The following CNTN5 variants were observed in gnomAD, a reference collection of about 807,000 sequenced individuals.
CNTN5 encodes the protein contactin 5.
Under a neutral mutation model 129.1 loss-of-function variants are expected in CNTN5, and 77 were observed. That is an observed-to-expected ratio of 0.60 (90% CI 0.50 to 0.72). The LOEUF (loss-of-function observed/expected upper bound fraction) is 0.72, where lower values mean the gene tolerates loss of function less well. Ranked by LOEUF, CNTN5 falls within the 30% of genes least tolerant of loss-of-function variation. The pLI is 0.00. For missense variants in CNTN5, 1,478 were observed against 1,328.8 expected (o/e 1.11, Z -1.75); for synonymous variants, 509 against 465.6 (o/e 1.09, Z -1.20).
chr11:100,035,194 C>T (rs942535728), intron 9 of CNTN5, among the ~76,000 whole-genome samples: 1 of 129,448 alleles, frequency 7.7e-6, no homozygotes, highest in East Asian at 2.5e-4. Flanking sequence ...TTGTTCAATT[C>T]CCACCTATGA....
At chr11:99,779,058 T>G (rs1422216776) in intron 3 of CNTN5, among the ~76,000 whole-genome samples, 3 of 151,896 alleles carry the variant, frequency 2.0e-5, no homozygotes, top group Admixed American at 2.0e-4. Context: ...ACACCCATTA[T>G]TTTCTAATTA....
At chr11:99,048,101 C>G (rs972946420) in intron 1 of CNTN5, among the ~76,000 whole-genome samples, 6 of 151,856 alleles carry the variant, frequency 4.0e-5, no homozygotes, top group Non-Finnish European at 8.8e-5. Context: ...TCATGGCATC[C>G]TATTTAAAGC....
chr11:99,598,689 G>A (rs1950221193), intron 3 of CNTN5, among the ~76,000 whole-genome samples: 1 of 151,518 alleles, frequency 6.6e-6, no homozygotes, highest in Non-Finnish European at 1.5e-5. Flanking sequence ...ATGGGAAGGT[G>A]CCAGTGATAG....
chr11:99,590,361 A>G (rs1338534897), intron 3 of CNTN5, among the ~76,000 whole-genome samples: 1 of 152,182 alleles, frequency 6.6e-6, no homozygotes, highest in Admixed American at 6.5e-5. Flanking sequence ...CTGGGTTCAA[A>G]CCCTGGCATT....
chr11:100,260,446 G>C (rs1414041265), intron 17 of CNTN5, among the ~76,000 whole-genome samples: 1 of 152,138 alleles, frequency 6.6e-6, no homozygotes, highest in Non-Finnish European at 1.5e-5. Flanking sequence ...CTCATTTTAA[G>C]AGGCCAACAT....
At chr11:99,283,984 T>G (rs1863815376) in intron 1 of CNTN5, among the ~76,000 whole-genome samples, 1 of 152,150 alleles carries the variant, frequency 6.6e-6, no homozygotes, top group Non-Finnish European at 1.5e-5. Flanking sequence ...CATCTGATCT[T>G]CAAAGTAAAC....
chr11:100,337,783 G>A (rs892341068), intron 21 of CNTN5, among the ~76,000 whole-genome samples: 1 of 152,192 alleles, frequency 6.6e-6, no homozygotes, highest in Non-Finnish European at 1.5e-5. Flanking sequence ...CTGCTCTTCT[G>A]TTTTGTTTGA....
intron 2 of CNTN5, among the ~76,000 whole-genome samples, chr11:99,327,447 G>T (rs1302510784): frequency 6.6e-6 from 1 of 152,100 alleles, no homozygotes; most frequent in Non-Finnish European, 1.5e-5. Flanking sequence ...AATAAATTCA[G>T]GTTTCAAGTT....
chr11:99,123,053 A>G (rs1314977724), intron 1 of CNTN5, among the ~76,000 whole-genome samples: 2 of 152,162 alleles, frequency 1.3e-5, no homozygotes, highest in African/African-American at 4.8e-5. Flanking sequence ...TCTTTTGGGT[A>G]TATACCCCAA....
intron 8 of CNTN5, among the ~76,000 whole-genome samples, chr11:99,984,540 G>A (rs1938552904): frequency 6.6e-6 from 1 of 151,916 alleles, no homozygotes; most frequent in African/African-American, 2.4e-5. Flanking sequence ...GGTTTTGAGG[G>A]GTGGGGGTTG....
chr11:100,070,563 A>G lies in CNTN5; in HGVS notation c.1299+3A>G. ...ATGGAGTACCCCTCTCACCTCAGGT[A>G]CTGTTGGGAGTTATTAACCTGTTCT... On this transcript the variant is annotated splice_donor_region_variant and intron_variant, in intron 11 of 24. Coordinates refer to ENST00000524871, the MANE Select transcript of CNTN5 (RefSeq NM_014361.4). 1 of 1,612,656 alleles carries G rather than the reference A, an allele frequency of 6.2e-7. No individual in the cohort carries two copies. Among genetic ancestry groups the G allele is most frequent in the East Asian group, 2.2e-5 (1 of 44,758 alleles).
chr11:99,690,525 A>C (rs1953998014), intron 3 of CNTN5, among the ~76,000 whole-genome samples: 1 of 152,204 alleles, frequency 6.6e-6, no homozygotes, highest in Non-Finnish European at 1.5e-5. Context: ...ATGGCAGTTT[A>C]ATGAGAATAG....
intron 18 of CNTN5, among the ~76,000 whole-genome samples, chr11:100,296,766 T>C (rs184322285): frequency 2.0e-5 from 3 of 151,692 alleles, no homozygotes; most frequent in Admixed American, 2.0e-4. Context: ...CAGTAATTAA[T>C]AGCCTTTCAT....
intron 9 of CNTN5, among the ~76,000 whole-genome samples, chr11:100,032,427 T>G (rs1941760150): frequency 1.3e-5 from 2 of 152,074 alleles, no homozygotes; most frequent in East Asian, 3.9e-4. Context: ...AGTTATAAAT[T>G]TAAAAAGCCT....
intron 3 of CNTN5, among the ~76,000 whole-genome samples, chr11:99,634,050 A>C (rs1232048244): frequency 2.6e-5 from 4 of 152,180 alleles, no homozygotes; most frequent in Admixed American, 6.5e-5. Flanking sequence ...TTAAGTAAGG[A>C]AGAGATCCTC....
At chr11:100,253,127 T>G (rs1438560298) in intron 16 of CNTN5, among the ~76,000 whole-genome samples, 4 of 150,158 alleles carry the variant, frequency 2.7e-5, no homozygotes, top group African/African-American at 9.7e-5. Flanking sequence ...CTCTACAACA[T>G]AAAGTGTGGC....
chr11:99,809,500 A>T (rs1040508446), intron 3 of CNTN5, among the ~76,000 whole-genome samples: 2 of 152,110 alleles, frequency 1.3e-5, no homozygotes, highest in Admixed American at 6.6e-5. Flanking sequence ...ATTTGTGTCT[A>T]TGTCCAAAAA....
intron 2 of CNTN5, among the ~76,000 whole-genome samples, chr11:99,402,525 A>T (rs910626871): frequency 6.6e-6 from 1 of 152,108 alleles, no homozygotes. Flanking sequence ...ATTGACCTAT[A>T]GTTTTGTTGT....
At chr11:99,990,084 C>T (rs1028942237) in intron 8 of CNTN5, among the ~76,000 whole-genome samples, 1 of 151,888 alleles carries the variant, frequency 6.6e-6, no homozygotes, top group Non-Finnish European at 1.5e-5. Context: ...TTTCTTAATG[C>T]CAGAGAAAAC....
Sources: gnomAD v4.1 joint callset for allele counts (sites outside exome capture counted in the v4.1 genomes callset) on GRCh38, gnomAD v4.1.1 for gene constraint, MANE v1.5 for transcripts, NCBI Gene and HGNC (gene_info 2026-07-23, HGNC 2026-07-21) for gene names.